Variants in SLC52A3 observed in about 807,000 individuals in gnomAD.
SLC52A3 encodes the protein solute carrier family 52, riboflavin transporter, member 3.
SLC52A3 carries 20 observed loss-of-function variants against 29.5 expected under a neutral mutation model. That is an observed-to-expected ratio of 0.68 (90% confidence interval 0.48 to 0.99). The LOEUF (loss-of-function observed/expected upper bound fraction) is 0.99, where lower values mean the gene tolerates loss of function less well. Ranked by LOEUF, SLC52A3 falls within the 50% of genes least tolerant of loss-of-function variation. SLC52A3 has a pLI of 0.00. For missense variants in SLC52A3, 548 were observed against 612.9 expected (o/e 0.89, Z 1.12); for synonymous variants, 301 against 271.0 (o/e 1.11, Z -1.09).
At chr20:772,587 G>GTTT (rs11475216), upstream of SLC52A3, among the ~76,000 whole-genome samples, 1 of 147,636 alleles carries the variant, frequency 6.8e-6, no homozygotes, top group East Asian at 2.0e-4. Flanking sequence ...TGTATTTTCT[G>GTTT]TTTTTTTTTT....
In SLC52A3 at chr20:765,799, G is replaced by T; in HGVS notation, c.-25C>A. On this transcript the variant is annotated 5_prime_UTR_variant, in exon 2 of 5. Transcript: ENST00000645534. This position sits in a 1 kb window ranked among gnomAD's most constrained non-coding sequence, Gnocchi z 6.6. Reference sequence around the variant, plus strand: ...TGGCGGTATCTGCCCTGGGCCAGAGGCTTTCTCAGATCAGCCTGCAGCGGG... The same window carrying T: ...TGGCGGTATCTGCCCTGGGCCAGAGTCTTTCTCAGATCAGCCTGCAGCGGG... The T allele has an allele frequency of 1.2e-6, 2 of 1,606,848 alleles. No homozygotes were observed. The highest frequency in any genetic ancestry group is 2.2e-5 in the South Asian group (2 of 89,534).
intron 1 of SLC52A3, among the ~76,000 whole-genome samples, chr20:766,647 C>G (rs1443341180): frequency 1.3e-5 from 2 of 152,100 alleles, no homozygotes; most frequent in African/African-American, 4.8e-5. Context: ...TTTCCACTAC[C>G]TACCCAAATC....
At chr20:779,102 A>G (rs553578056), upstream of SLC52A3, among the ~76,000 whole-genome samples, 1 of 152,328 alleles carries the variant, frequency 6.6e-6, no homozygotes, top group African/African-American at 2.4e-5. Flanking sequence ...TACAGACGTG[A>G]AGGAAGTTTC....
At chr20:778,467 C>T (rs1192745286), upstream of SLC52A3, among the ~76,000 whole-genome samples, 5 of 152,190 alleles carry the variant, frequency 3.3e-5, no homozygotes, top group Non-Finnish European at 5.9e-5. Flanking sequence ...CTTTGAGTCT[C>T]ATATTTTGTG....
intron 3 of SLC52A3, among the ~76,000 whole-genome samples, chr20:762,165 G>A (rs1986513103): frequency 6.6e-6 from 1 of 152,196 alleles, no homozygotes; most frequent in African/African-American, 2.4e-5. Context: ...TGACCTCCAG[G>A]AGCAGAGCAT....
chr20:765,135 G>A lies in SLC52A3; in HGVS notation c.567+73C>T. 1.3e-6 allele frequency: 2 copies of A among 1,535,624 alleles called. No homozygotes were observed. Among genetic ancestry groups the A allele is most frequent in the Non-Finnish European group, 1.8e-6 (2 of 1,111,222 alleles). On this transcript the variant is annotated intron_variant, in intron 2 of 4. Transcript: ENST00000645534. This position sits in a 1 kb window ranked among gnomAD's most constrained non-coding sequence, Gnocchi z 6.6. ...GACCAAAGAACCTAGAAGGATGGAGGTGAGCAGTTTTTCCCTCCCCTACAT... is the reference window on the plus strand; with the variant it reads ...GACCAAAGAACCTAGAAGGATGGAGATGAGCAGTTTTTCCCTCCCCTACAT...
Position 765,227 on chromosome 20 carries a change from C to T in SLC52A3, c.548G>A (p.Arg183Lys), listed in dbSNP as rs150702278. 6.2e-7 allele frequency: 1 copy of T among 1,614,194 alleles called. No individual in the cohort carries two copies. Among genetic ancestry groups the T allele is most frequent in the Non-Finnish European group, 8.5e-7 (1 of 1,180,046 alleles). Reference sequence around the variant, plus strand: ...GGGTACCTGTGCGATGTCAGTCTCCCTCGTGGGTACAGGGCTTGGTACGCT... The same window carrying T: ...GGGTACCTGTGCGATGTCAGTCTCCTTCGTGGGTACAGGGCTTGGTACGCT... ...SDSVPSPVPT[R>K]ETDIAQGVPR... The change falls in exon 2 of 5, where the codon AGG (arginine) becomes AAG (lysine). Residue 183 changes from arginine (R) to lysine (K), a missense_variant. Arg to Lys is a conservative substitution (Grantham distance 26). Coordinates refer to ENST00000645534, the MANE Select transcript of SLC52A3 (RefSeq NM_033409.4). This position sits in a 1 kb window ranked among gnomAD's most constrained non-coding sequence, Gnocchi z 6.6.
intron 1 of SLC52A3, among the ~76,000 whole-genome samples, chr20:767,616 A>T (rs1442256260): frequency 6.6e-6 from 1 of 152,034 alleles, no homozygotes; most frequent in African/African-American, 2.4e-5. Context: ...CAGCCTCCCA[A>T]AGTGCTGGGA....
upstream of SLC52A3, among the ~76,000 whole-genome samples, chr20:776,967 G>A (rs1353222445): frequency 6.6e-6 from 1 of 152,076 alleles, no homozygotes; most frequent in African/African-American, 2.4e-5. Flanking sequence ...GGGGCGTGGT[G>A]GGTCATGCCT....
At chr20:777,769 A>G (rs1987103962), upstream of SLC52A3, among the ~76,000 whole-genome samples, 1 of 152,152 alleles carries the variant, frequency 6.6e-6, no homozygotes, top group Admixed American at 6.5e-5. Context: ...AAGTGTTGCC[A>G]CTGTTGGGGC....
rs755619131 is a variant in SLC52A3, at chr20:765,417, A to G, written c.358T>C (p.Cys120Arg). ...GGCAGGAAGGTCACTGAAGAGGTGC[A>G]GTCCACCAGGGCCAGGAAGAAGGTG... ...VLTFFLALVDCTSSVTFLPFM... is the reference protein window; with the variant it reads ...VLTFFLALVDRTSSVTFLPFM... Residue 120 changes from cysteine (C) to arginine (R), a missense_variant, in exon 2 of 5, where the codon TGC becomes CGC. By Grantham distance (180) the Cys-to-Arg change is radical (BLOSUM62 -3). This residue lies in a region of SLC52A3 where 375 missense variants were observed against 471.1 expected (regional missense o/e 0.80). Coordinates refer to ENST00000645534, the MANE Select transcript of SLC52A3 (RefSeq NM_033409.4). The surrounding 1 kb of genome is among the most constrained non-coding windows in gnomAD (Gnocchi z 6.6). 1.2e-6 allele frequency: 2 copies of G among 1,613,930 alleles called. No individual in the cohort carries two copies. Among genetic ancestry groups the G allele is most frequent in the South Asian group, 1.1e-5 (1 of 91,048 alleles).
upstream of SLC52A3, among the ~76,000 whole-genome samples, chr20:776,535 G>A (rs1426834447): frequency 6.6e-6 from 1 of 152,116 alleles, no homozygotes; most frequent in Non-Finnish European, 1.5e-5. Context: ...CAGAGAAGTC[G>A]AGAGCCTTGT....
At chr20:774,376 C>A (rs183507571) in intron 1 of SLC52A3, among the ~76,000 whole-genome samples, 60 of 152,238 alleles carry the variant, frequency 3.9e-4, no homozygotes, top group African/African-American at 1.2e-3. Flanking sequence ...GGCCTGTAGG[C>A]GTCTACTTAG....
At chr20:766,126 G>C (rs912179098) in intron 1 of SLC52A3, 10 of 293,430 alleles carry the variant, frequency 3.4e-5, no homozygotes, top group African/African-American at 2.2e-4. Context: ...GTGGAAACAG[G>C]GTTTCCCCAC....
At chr20:768,991 C>T (rs1402139312), upstream of SLC52A3, among the ~76,000 whole-genome samples, 10 of 152,234 alleles carry the variant, frequency 6.6e-5, no homozygotes, top group Admixed American at 6.5e-4. Flanking sequence ...TCACCAGGGC[C>T]CATGACCCCT....
At chr20:762,877 TG>T (rs1397601358) in intron 3 of SLC52A3, among the ~76,000 whole-genome samples, 1 of 152,124 alleles carries the variant, frequency 6.6e-6, no homozygotes, top group African/African-American at 2.4e-5. Flanking sequence ...GATCCCAAGG[TG>T]GTAGTTCTCC....
upstream of SLC52A3, among the ~76,000 whole-genome samples, chr20:773,151 G>A (rs775311497): frequency 6.6e-6 from 1 of 152,166 alleles, no homozygotes; most frequent in Non-Finnish European, 1.5e-5. Context: ...GCTGTTGTGA[G>A]GAGAAACATG....
chr20:770,350 G>T (rs1479606499), upstream of SLC52A3, among the ~76,000 whole-genome samples: 2 of 151,994 alleles, frequency 1.3e-5, no homozygotes, highest in East Asian at 3.9e-4. The surrounding 1 kb of genome is among the most constrained non-coding windows in gnomAD (Gnocchi z 4.5). Context: ...GTAGAGACGG[G>T]GTTTCTCCAT....
chr20:762,918 C>T (rs1986538650), intron 3 of SLC52A3, among the ~76,000 whole-genome samples: 1 of 152,220 alleles, frequency 6.6e-6, no homozygotes, highest in African/African-American at 2.4e-5. Flanking sequence ...TGCCTCAGAA[C>T]CGTCTGGTTT....
Sources: gnomAD v4.1 joint callset for allele counts (sites outside exome capture counted in the v4.1 genomes callset) on GRCh38, gnomAD v4.1.1 for gene constraint, gnomAD v4.1.1 regional missense constraint, Gnocchi (gnomAD v3.1) non-coding constraint, MANE v1.5 for transcripts, NCBI Gene and HGNC (gene_info 2026-07-23, HGNC 2026-07-21) for gene names.